The following CCT5 variants were observed in gnomAD, a reference collection of about 807,000 sequenced individuals.
The protein encoded by CCT5 is chaperonin containing TCP1 subunit 5.
Under a neutral mutation model 55.0 loss-of-function variants are expected in CCT5, and 6 were observed. The observed-to-expected ratio is 0.11, with a 90% CI of 0.06 to 0.22. CCT5 has a LOEUF of 0.22. CCT5 is among the 10% of genes least tolerant of loss of function. The probability of loss-of-function intolerance (pLI) is 1.00; values close to 1 mark genes in which losing one functional copy is unlikely to be tolerated. For missense variants in CCT5, 560 were observed against 694.6 expected, an observed-to-expected ratio of 0.81 and a Z score of 2.18; for synonymous variants, 231 against 243.7, an observed-to-expected ratio of 0.95 and a Z score of 0.49.
upstream of CCT5, chr5:10,250,184 C>G: frequency 1.3e-6 from 2 of 1,544,338 alleles, no homozygotes; most frequent in Non-Finnish European, 1.7e-6. Context: ...CCAGAAGATA[C>G]TGTCTGGCGT....
upstream of CCT5, chr5:10,250,216 A>C (rs552002776): frequency 3.9e-6 from 6 of 1,557,114 alleles, no homozygotes; most frequent in South Asian, 3.5e-5. Flanking sequence ...CAGTAGAAAC[A>C]TAAGTCCCGC....
intron 4 of CCT5, among the ~76,000 whole-genome samples, chr5:10,257,303 A>G (rs1020851623): frequency 2.6e-5 from 4 of 152,236 alleles, no homozygotes; most frequent in African/African-American, 7.2e-5. Context: ...TGAGTACCCT[A>G]GGGGTAGCCT....
At chr5:10,257,962 G>C (rs1477344063) in intron 4 of CCT5, 149 bp from the exon 5 acceptor site, 1 of 806,224 alleles carries the variant, frequency 1.2e-6, no homozygotes, top group South Asian at 1.6e-5. Context: ...GCCCCAGACT[G>C]TTGAAAATGC....
chr5:10,264,969 C>G lies in CCT5; in HGVS notation c.*186C>G. 1 of 645,648 alleles carries G rather than the reference C, an allele frequency of 1.5e-6. No homozygotes were observed. The allele number at this position is 645,648 out of a possible 1,614,324, so 40.0% of individuals were successfully genotyped here. On this transcript the variant is annotated 3_prime_UTR_variant, in exon 11 of 11. Transcript: ENST00000280326. Reference sequence around the variant, plus strand: ...CTGTGTAATCGTGGGGGTACCATCTCAACTGCTTTTGTATTCATTGTATTA... The same window carrying G: ...CTGTGTAATCGTGGGGGTACCATCTGAACTGCTTTTGTATTCATTGTATTA...
intron 8 of CCT5, 179 bp downstream of exon 8, chr5:10,261,924 G>A: frequency 2.9e-6 from 2 of 683,804 alleles, no homozygotes; most frequent in Non-Finnish European, 2.7e-6. Context: ...AATTTCACAA[G>A]GCACATTTGC....
In CCT5 at chr5:10,255,957, C is replaced by G; in HGVS notation, c.334C>G (p.Leu112Val). Residue 112 changes from leucine to valine, a missense_variant and splice_region_variant, in exon 4 of 11, where the codon CTG (leucine) becomes GTG (valine). By Grantham distance (32) the Leu-to-Val change is conservative. This residue lies in a region of CCT5 where 137 missense variants were observed against 181.9 expected (regional missense o/e 0.75). Coordinates refer to ENST00000280326, the MANE Select transcript of CCT5 (RefSeq NM_012073.5). ...ATTGTCTGCTGGCTTATTTGCAGTCCTGGCTGGTGCCTTGTTAGAAGAAGC... is the reference window on the plus strand; with the variant it reads ...ATTGTCTGCTGGCTTATTTGCAGTCGTGGCTGGTGCCTTGTTAGAAGAAGC... ...IGDGTTGVVV[L>V]AGALLEEAEQ... 4 of 1,614,060 alleles carry G rather than the reference C, an allele frequency of 2.5e-6. No individual in the cohort carries two copies. Among genetic ancestry groups the G allele is most frequent in the Non-Finnish European group, 3.4e-6 (4 of 1,179,944 alleles).
intron 10 of CCT5, among the ~76,000 whole-genome samples, chr5:10,264,232 A>G (rs1351938724): frequency 6.6e-6 from 1 of 151,444 alleles, no homozygotes; most frequent in Non-Finnish European, 1.5e-5. Flanking sequence ...CTGAGATCGC[A>G]CTGTTGTATT....
At position 10,254,719 on chromosome 5, in the gene CCT5, C is replaced by T; in HGVS notation, c.212C>T (p.Thr71Ile). Residue 71 changes from threonine (T) to isoleucine (I), a missense_variant, in exon 3 of 11, where the codon ACT becomes ATT. Thr to Ile is a moderately conservative substitution (Grantham distance 89). Coordinates refer to ENST00000280326, the MANE Select transcript of CCT5 (RefSeq NM_012073.5). ...MVDKDGDVTV[T>I]NDGATILSMM... is the part of the protein sequence containing the mutation. Reference sequence around the variant, plus strand: ...GATAAGGATGGAGATGTGACTGTAACTAATGATGGGGCCACCATCTTAAGC... The same window carrying T: ...GATAAGGATGGAGATGTGACTGTAATTAATGATGGGGCCACCATCTTAAGC... The T allele has an allele frequency of 6.2e-7, 1 of 1,613,624 alleles. No homozygotes were observed. The highest frequency in any genetic ancestry group is 8.5e-7 in the Non-Finnish European group (1 of 1,179,628).
intron 1 of CCT5, chr5:10,250,905 T>TA (rs755770677): frequency 9.9e-7 from 1 of 1,007,416 alleles, no homozygotes. Flanking sequence ...TGTGGTCACT[T>TA]AACAGGGTAT....
Position 10,264,769 on chromosome 5 carries a change from G to A in CCT5, c.1612G>A (p.Glu538Lys). 6.2e-7 allele frequency: 1 copy of A among 1,609,164 alleles called. No homozygotes were observed. The highest frequency in any genetic ancestry group is 8.5e-7 in the Non-Finnish European group (1 of 1,175,482). Reference protein sequence around the residue: ...LKIDDIRKPGESEE With the variant: ...LKIDDIRKPGKSEE ...GATTGATGACATTCGTAAGCCTGGA[G>A]AATCTGAAGAATGAAGACATTGAGA... The change falls in exon 11 of 11, where the codon GAA (glutamate) becomes AAA (lysine). Residue 538 changes from glutamate to lysine, a missense_variant. Physicochemically the swap from Glu to Lys is moderately conservative, Grantham distance 56. Around this residue, in one of 4 missense-constraint regions of CCT5, gnomAD observed 115 missense variants for 105.0 expected, o/e 1.10. Transcript: ENST00000280326.
rs72738997 is a variant in CCT5 at position 10,265,296 on chromosome 5, G to C, written c.*513G>C. The C allele has an allele frequency of 0.027, 4,647 of 170,708 alleles. 77 individuals are homozygous for C. The highest frequency in any genetic ancestry group is 0.055 in the Middle Eastern group (18 of 328). 10.6% of individuals were successfully genotyped at this position (170,708 alleles called of 1,614,324 possible). ...TAGGTTGCTCACAGCCTAACCTGGCGTGTTGTTTAGGGCTGATGGAGACCC... is the reference window on the plus strand; with the variant it reads ...TAGGTTGCTCACAGCCTAACCTGGCCTGTTGTTTAGGGCTGATGGAGACCC... On this transcript the variant is annotated 3_prime_UTR_variant, in exon 11 of 11. Coordinates refer to ENST00000280326, the MANE Select transcript of CCT5 (RefSeq NM_012073.5).
chr5:10,265,296 G>A lies in CCT5; in HGVS notation c.*513G>A, dbSNP rs72738997. 1.8e-5 allele frequency: 3 copies of A among 170,616 alleles called. No homozygotes were observed. Among genetic ancestry groups the A allele is most frequent in the East Asian group, 1.7e-4 (1 of 5,976 alleles). The allele number at this position is 170,616 out of a possible 1,614,324, so 10.6% of individuals were successfully genotyped here. On this transcript the variant is annotated 3_prime_UTR_variant, in exon 11 of 11. Transcript: ENST00000280326. ...TAGGTTGCTCACAGCCTAACCTGGC[G>A]TGTTGTTTAGGGCTGATGGAGACCC...
chr5:10,258,031 A>C, intron 4 of CCT5, 80 bp from the exon 5 acceptor site: 3 of 1,368,140 alleles, frequency 2.2e-6, no homozygotes, highest in Non-Finnish European at 3.1e-6. Context: ...TATATCTTTG[A>C]GTAACATTGT....
chr5:10,254,983 T>TCC, intron 3 of CCT5, 145 bp downstream of exon 3: 2 of 632,716 alleles, frequency 3.2e-6, no homozygotes, highest in Admixed American at 2.7e-5. Context: ...AAAACAAATG[T>TCC]CGGACTTTCA....
At chr5:10,264,461 TC>T (rs1746127570) in intron 10 of CCT5, 194 bp from the exon 11 acceptor site, 2 of 561,060 alleles carry the variant, frequency 3.6e-6, no homozygotes, top group Admixed American at 2.8e-5. Context: ...AGGTGCGAGT[TC>T]CAGAGTGTCC....
At chr5:10,264,454 T>C in intron 10 of CCT5, 1 of 548,328 alleles carries the variant, frequency 1.8e-6, no homozygotes, top group Admixed American at 3.0e-5. Flanking sequence ...CTTTACCAGG[T>C]GCGAGTTCCA....
chr5:10,261,303 T>C, intron 7 of CCT5: 1 of 521,612 alleles, frequency 1.9e-6, no homozygotes, highest in Non-Finnish European at 3.5e-6. Context: ...AGATGGGAGA[T>C]GAGGGTATGA....
chr5:10,250,224 C>G, upstream of CCT5: 3 of 1,564,322 alleles, frequency 1.9e-6, no homozygotes, highest in Non-Finnish European at 2.6e-6. Context: ...ACATAAGTCC[C>G]GCGCGTCTTG....
chr5:10,252,047 G>A (rs756162320), intron 1 of CCT5, among the ~76,000 whole-genome samples: 2 of 152,224 alleles, frequency 1.3e-5, no homozygotes, highest in Non-Finnish European at 2.9e-5. Context: ...GGCCACCGCT[G>A]TCAGAGTCAA....
Sources: allele counts gnomAD v4.1 joint callset (sites outside exome capture counted in the v4.1 genomes callset), GRCh38; gene constraint gnomAD v4.1.1; regional missense constraint gnomAD v4.1.1; transcripts MANE v1.5; gene names NCBI Gene and HGNC (gene_info 2026-07-23, HGNC 2026-07-21).